The following PTN variants were observed in gnomAD, a reference collection of about 807,000 sequenced individuals.
The protein encoded by PTN is heparin affin regulatory protein.
PTN carries 18 observed loss-of-function variants against 24.1 expected under a neutral mutation model. The ratio of observed to expected loss-of-function variants is 0.75; its 90% CI spans 0.52 to 1.11. PTN has a LOEUF of 1.11. Ranked by LOEUF, PTN falls within the 50% of genes least tolerant of loss-of-function variation. PTN has a pLI of 0.00. For synonymous variants in PTN, 78 were observed against 68.6 expected (o/e 1.14, Z -0.67); for missense variants, 163 against 198.8 (o/e 0.82, Z 1.08).
At position 137,306,452 on chromosome 7, in the gene PTN, C is replaced by G. The variant is rs149372631; in HGVS notation, c.-2+36987G>C. Among the ~76,000 whole-genome samples, 841 of 152,134 alleles carry G rather than the reference C, an allele frequency of 5.5e-3. 8 individuals are homozygous for G. The highest frequency in any genetic ancestry group is 0.02 in the Middle Eastern group (6 of 294). ...ACTTCATGCTGGAGTGAGAGGCCAT[C>G]CATACTCACGAAAGGCTAATTATAT... On this transcript the variant is annotated intron_variant, in intron 1 of 4. Transcript: ENST00000348225.
intron 1 of PTN, among the ~76,000 whole-genome samples, chr7:137,300,249 A>T (rs968987238): frequency 6.6e-6 from 1 of 152,004 alleles, no homozygotes; most frequent in African/African-American, 2.4e-5. Flanking sequence ...CCTAAGGTAC[A>T]GGTGGTTGAT....
chr7:137,315,754 T>C (rs943427126), intron 1 of PTN, among the ~76,000 whole-genome samples: 8 of 152,222 alleles, frequency 5.3e-5, no homozygotes, highest in Admixed American at 3.3e-4. Context: ...GGGTAGAGCA[T>C]AGAAGGGCGG....
intron 1 of PTN, among the ~76,000 whole-genome samples, chr7:137,271,578 A>G (rs1345427775): frequency 6.6e-6 from 1 of 152,256 alleles, no homozygotes; most frequent in African/African-American, 2.4e-5. Flanking sequence ...TGTTTGTTCA[A>G]TTATTCTGGG....
At chr7:137,299,197 A>G (rs1326178009) in intron 1 of PTN, among the ~76,000 whole-genome samples, 1 of 151,944 alleles carries the variant, frequency 6.6e-6, no homozygotes. Flanking sequence ...TCCTTTAGTC[A>G]TCCAGTGCCT....
At position 137,250,159 on chromosome 7, in the gene PTN, C is replaced by T. The variant is rs147870072; in HGVS notation, c.451+1071G>A. ...CAAGAAGGTATTTGAATTTAGAGTT[C>T]ATTGAGTCCCATTGTATTAGTTGGC... On this transcript the variant is annotated intron_variant, in intron 4 of 4. Transcript: ENST00000348225. Among the ~76,000 whole-genome samples the T allele has an allele frequency of 2.7e-3, 409 of 152,236 alleles. 4 individuals are homozygous for T. Among genetic ancestry groups the T allele is most frequent in the Non-Finnish European group, 4.3e-3 (293 of 68,018 alleles).
At chr7:137,332,348 C>CAGGTAT (rs1268226625) in intron 1 of PTN, among the ~76,000 whole-genome samples, 1 of 151,796 alleles carries the variant, frequency 6.6e-6, no homozygotes, top group Non-Finnish European at 1.5e-5. Flanking sequence ...TGTGTTTCTT[C>CAGGTAT]AGGTATATTT....
chr7:137,341,345 A>G (rs1053597053), intron 1 of PTN, among the ~76,000 whole-genome samples: 2 of 152,124 alleles, frequency 1.3e-5, no homozygotes, highest in Non-Finnish European at 2.9e-5. Flanking sequence ...AAAGAAATGT[A>G]GATCTTGTTA....
chr7:137,250,354 G>A (rs1274138996), intron 4 of PTN, among the ~76,000 whole-genome samples: 1 of 152,114 alleles, frequency 6.6e-6, no homozygotes, highest in African/African-American at 2.4e-5. Flanking sequence ...TTCTCCCTCT[G>A]TCTTCACACA....
chr7:137,262,724 T>A (rs922793018), intron 1 of PTN, among the ~76,000 whole-genome samples: 2 of 152,204 alleles, frequency 1.3e-5, no homozygotes, highest in Non-Finnish European at 2.9e-5. Context: ...GTGACGGGGC[T>A]GTGAGCACCG....
chr7:137,332,495 T>C (rs1455558625), intron 1 of PTN, among the ~76,000 whole-genome samples: 1 of 152,200 alleles, frequency 6.6e-6, no homozygotes, highest in Non-Finnish European at 1.5e-5. Flanking sequence ...CCCAGAAACA[T>C]TATTCAATAA....
At chr7:137,228,855 C>T (rs1407113991) in intron 4 of PTN, among the ~76,000 whole-genome samples, 2 of 151,778 alleles carry the variant, frequency 1.3e-5, no homozygotes, top group Non-Finnish European at 2.9e-5. Flanking sequence ...CAAAAATGGT[C>T]AGAATCACTG....
intron 1 of PTN, among the ~76,000 whole-genome samples, chr7:137,335,107 T>C (rs1278159547): frequency 4.4e-5 from 6 of 136,034 alleles, no homozygotes; most frequent in Non-Finnish European, 6.5e-5. Flanking sequence ...GACGAGTTGA[T>C]GGGTGCAGCA....
intron 1 of PTN, among the ~76,000 whole-genome samples, chr7:137,255,233 G>A (rs1808900539): frequency 6.6e-6 from 1 of 152,202 alleles, no homozygotes; most frequent in Admixed American, 6.5e-5. Context: ...CATTTGCTAA[G>A]TATGACTCAG....
At chr7:137,293,792 C>T (rs1482965427) in intron 1 of PTN, among the ~76,000 whole-genome samples, 1 of 151,970 alleles carries the variant, frequency 6.6e-6, no homozygotes, top group Non-Finnish European at 1.5e-5. Context: ...TGTCATCACT[C>T]AAAGTCCATA....
At position 137,235,661 on chromosome 7, in the gene PTN, C is replaced by A. The variant is rs527671868; in HGVS notation, c.452-7586G>T. ...TATGGACTCAATGCATTTACTTCTA[C>A]GATATGTGTGGAAAACATGTGTACA... On this transcript the variant is annotated intron_variant, in intron 4 of 4. Transcript: ENST00000348225. 1.4e-4 allele frequency among the ~76,000 whole-genome samples: 22 copies of A among 152,192 alleles called. 1 individual carries two copies. In the South Asian group the frequency reaches 4.6e-3, roughly 32 times the overall value.
intron 1 of PTN, among the ~76,000 whole-genome samples, chr7:137,260,246 G>A (rs1049343293): frequency 6.6e-6 from 1 of 152,096 alleles, no homozygotes; most frequent in Admixed American, 6.5e-5. Flanking sequence ...TAGATATTGT[G>A]TGATTCAGTT....
At position 137,259,958 on chromosome 7, in the gene PTN, A is replaced by G. The variant is rs189636239; in HGVS notation, c.-1-4984T>C. On this transcript the variant is annotated intron_variant, in intron 1 of 4. Coordinates refer to ENST00000348225, the MANE Select transcript of PTN (RefSeq NM_002825.7). ...ACATATTATACCCTTCATGTGATAA[A>G]ACTATTATGTCTCCCACTTTTTATT... is the stretch of plus-strand genomic sequence containing the variant. Among the ~76,000 whole-genome samples the G allele has an allele frequency of 2.6e-4, 40 of 152,032 alleles. No individual in the cohort carries two copies. The East Asian group carries it at 7.5e-3, about 29-fold the overall frequency.
chr7:137,326,987 T>C (rs1048508123), intron 1 of PTN: 8 of 152,042 alleles, frequency 5.3e-5, no homozygotes, highest in South Asian at 2.1e-4. Context: ...AAGGAAACCA[T>C]AGAAAGTTGT....
chr7:137,304,558 C>G (rs1476506182), intron 1 of PTN, among the ~76,000 whole-genome samples: 1 of 151,410 alleles, frequency 6.6e-6, no homozygotes, highest in Non-Finnish European at 1.5e-5. Flanking sequence ...ACAGGGAGGG[C>G]AAAAAAGAAG....
Sources: allele counts gnomAD v4.1 joint callset (sites outside exome capture counted in the v4.1 genomes callset), GRCh38; gene constraint gnomAD v4.1.1; transcripts MANE v1.5; gene names NCBI Gene and HGNC (gene_info 2026-07-23, HGNC 2026-07-21).